The following MAPK10 variants were observed in gnomAD, a reference collection of about 807,000 sequenced individuals.
The protein encoded by MAPK10 is mitogen-activated protein kinase 10.
MAPK10 carries 25 observed loss-of-function variants against 59.3 expected under a neutral mutation model. The observed-to-expected ratio is 0.42, with a 90% CI of 0.31 to 0.59. The LOEUF is 0.59. Ranked by LOEUF, MAPK10 falls within the 20% of genes least tolerant of loss-of-function variation. The probability of loss-of-function intolerance (pLI) is 0.15; values close to 1 mark genes in which losing one functional copy is unlikely to be tolerated. For missense variants in MAPK10, 351 were observed against 568.9 expected (o/e 0.62, Z 3.90); for synonymous variants, 190 against 200.5 (o/e 0.95, Z 0.44).
chr4:86,128,538 T>C (rs1219948921), intron 4 of MAPK10, among the ~76,000 whole-genome samples: 3 of 152,094 alleles, frequency 2.0e-5, no homozygotes, highest in Non-Finnish European at 2.9e-5. Context: ...TCTGCCATGA[T>C]TGTAATTTTC....
At chr4:86,483,191 C>T (rs1293159790) in intron 1 of MAPK10, among the ~76,000 whole-genome samples, 4 of 152,164 alleles carry the variant, frequency 2.6e-5, no homozygotes, top group Non-Finnish European at 4.4e-5. Flanking sequence ...AAAAGGATTT[C>T]CAACTTTCTT....
intron 1 of MAPK10, among the ~76,000 whole-genome samples, chr4:86,382,479 T>C (rs1264725773): frequency 6.6e-6 from 1 of 152,186 alleles, no homozygotes; most frequent in African/African-American, 2.4e-5. Context: ...TATGTGTCTG[T>C]TTATGTTTAA....
chr4:86,191,863 T>C (rs1457985694), intron 3 of MAPK10: 2 of 152,088 alleles, frequency 1.3e-5, no homozygotes, highest in African/African-American at 4.8e-5. Flanking sequence ...TTCTTCATAG[T>C]GTCGATGGTC....
intron 1 of MAPK10, among the ~76,000 whole-genome samples, chr4:86,570,774 T>C (rs1761389518): frequency 6.6e-6 from 1 of 151,814 alleles, no homozygotes; most frequent in Non-Finnish European, 1.5e-5. Context: ...CTTCCTGGAG[T>C]AGGTGACATT....
chr4:86,234,019 G>T (rs943804091), intron 2 of MAPK10, among the ~76,000 whole-genome samples: 4 of 152,096 alleles, frequency 2.6e-5, no homozygotes, highest in African/African-American at 9.7e-5. Context: ...TAAAATGAGG[G>T]GCTTATCAAC....
At chr4:86,205,145 A>T (rs2083517270) in intron 2 of MAPK10, among the ~76,000 whole-genome samples, 2 of 152,004 alleles carry the variant, frequency 1.3e-5, no homozygotes, top group Admixed American at 1.3e-4. Flanking sequence ...GGTAAGGGAT[A>T]GATACCCCTA....
intron 2 of MAPK10, among the ~76,000 whole-genome samples, chr4:86,339,709 C>T (rs6531923): frequency 0.72 from 109,706 of 152,044 alleles, 40,371 homozygotes; most frequent in South Asian, 0.9. Context: ...AACAATGGCA[C>T]CTATCTCTTT....
In MAPK10 at chr4:86,064,329, T is replaced by C. The variant is rs756691947; in HGVS notation, c.1047A>G (p.Ser349=). The C allele has an allele frequency of 1.9e-6, 3 of 1,614,074 alleles. No homozygotes were observed. In the African/African-American group the frequency reaches 4.0e-5, roughly 22 times the overall value. The change falls in exon 11 of 14, where the codon TCA becomes TCG. Residue 349 remains serine (S), a synonymous_variant. Transcript: ENST00000641462. Reference sequence around the variant, plus strand: ...AGGGATGCTGTAAGGCGTCGTCCACTGATATTCTTTTTGCTGGGTCAATCA... The same window carrying C: ...AGGGATGCTGTAAGGCGTCGTCCACCGATATTCTTTTTGCTGGGTCAATCA... ...MLVIDPAKRI[S]VDDALQHPYI... is the part of the protein sequence containing the mutation.
At chr4:86,556,875 T>A (rs1760310978) in intron 1 of MAPK10, among the ~76,000 whole-genome samples, 1 of 152,134 alleles carries the variant, frequency 6.6e-6, no homozygotes, top group Non-Finnish European at 1.5e-5. Context: ...GAAAACAGGT[T>A]CTAAGATGTC....
At chr4:86,402,551 G>A (rs1238808151) in intron 1 of MAPK10, among the ~76,000 whole-genome samples, 2 of 152,120 alleles carry the variant, frequency 1.3e-5, no homozygotes, top group African/African-American at 4.8e-5. Context: ...CCTTATAATT[G>A]CAGTATGTTA....
chr4:86,012,295 G>C lies in MAPK10; in HGVS notation c.*4933C>G, dbSNP rs1387150322. 2 of 152,130 alleles carry C rather than the reference G, an allele frequency of 1.3e-5. No homozygotes were observed. The highest frequency in any genetic ancestry group is 2.9e-5 in the Non-Finnish European group (2 of 68,024). 9.4% of individuals were successfully genotyped at this position (152,130 alleles called of 1,614,324 possible). ...CTCTTGACCCAAGGTGAGAAAGTAG[G>C]TCATTCCTTATTTCTTATTTATTCC... On this transcript the variant is annotated 3_prime_UTR_variant, in exon 14 of 14. Coordinates refer to ENST00000641462, the MANE Select transcript of MAPK10 (RefSeq NM_138982.4).
chr4:86,363,574 A>T (rs1157274013), upstream of MAPK10, among the ~76,000 whole-genome samples: 1 of 152,174 alleles, frequency 6.6e-6, no homozygotes, highest in African/African-American at 2.4e-5. Flanking sequence ...ATATTTTGAT[A>T]TATGTATACA....
At chr4:86,167,539 C>T (rs2072220767) in intron 3 of MAPK10, among the ~76,000 whole-genome samples, 1 of 152,184 alleles carries the variant, frequency 6.6e-6, no homozygotes, top group Admixed American at 6.5e-5. Flanking sequence ...TCGGCTTCAT[C>T]CCTGGGATGC....
chr4:86,354,295 T>G (rs1733279196), intron 2 of MAPK10, among the ~76,000 whole-genome samples: 1 of 152,148 alleles, frequency 6.6e-6, no homozygotes, highest in African/African-American at 2.4e-5. Flanking sequence ...ATGGTGGTAG[T>G]ATCATGGTGT....
chr4:86,288,651 G>GA (rs2095112858), intron 2 of MAPK10, among the ~76,000 whole-genome samples: 1 of 151,898 alleles, frequency 6.6e-6, no homozygotes, highest in Non-Finnish European at 1.5e-5. Flanking sequence ...GTCATTTTAG[G>GA]AAAAAACCCT....
At chr4:86,049,461 A>G (rs747112748) in intron 11 of MAPK10, among the ~76,000 whole-genome samples, 1 of 151,986 alleles carries the variant, frequency 6.6e-6, no homozygotes, top group Non-Finnish European at 1.5e-5. Flanking sequence ...TAATTACTCC[A>G]AGGAGTAATT....
rs866086307 is a variant in MAPK10 at position 86,013,539 on chromosome 4, T to A, written c.*3689A>T. The A allele has an allele frequency of 1.8e-4, 28 of 152,208 alleles. No homozygotes were observed. The highest frequency in any genetic ancestry group is 5.8e-4 in the African/African-American group (24 of 41,442). 9.4% of individuals were successfully genotyped at this position (152,208 alleles called of 1,614,324 possible). On this transcript the variant is annotated 3_prime_UTR_variant, in exon 14 of 14. Transcript: ENST00000641462. ...GTTAAGAGATTCAAATCGAAATAGA[T>A]TTTGTATAATTTAGGTTTTGCAATG...
chr4:86,573,675 T>G (rs1443004705), intron 1 of MAPK10, among the ~76,000 whole-genome samples: 4 of 152,220 alleles, frequency 2.6e-5, no homozygotes, highest in Non-Finnish European at 5.9e-5. Flanking sequence ...TAGATAAATG[T>G]GAGATAAATT....
chr4:86,060,452 T>C (rs569437950), intron 11 of MAPK10, among the ~76,000 whole-genome samples: 1 of 152,300 alleles, frequency 6.6e-6, no homozygotes, highest in South Asian at 2.1e-4. Context: ...TTCTGTGCCC[T>C]GAGAAATAGT....
Sources: allele counts gnomAD v4.1 joint callset (sites outside exome capture counted in the v4.1 genomes callset), GRCh38; gene constraint gnomAD v4.1.1; transcripts MANE v1.5; gene names NCBI Gene and HGNC (gene_info 2026-07-23, HGNC 2026-07-21).